Variants in PPFIBP2 observed in about 807,000 individuals in gnomAD.
The protein encoded by PPFIBP2 is liprin-beta-2.
Under a neutral mutation model 118.3 loss-of-function variants are expected in PPFIBP2, and 118 were observed. The observed-to-expected ratio is 1.00, with a 90% CI of 0.86 to 1.16. The LOEUF (loss-of-function observed/expected upper bound fraction) is 1.16. PPFIBP2 is among the 50% of genes most tolerant of loss of function. PPFIBP2 has a pLI of 0.00. For missense variants in PPFIBP2, 1,195 were observed against 1,073.1 expected (o/e 1.11, Z -1.59); for synonymous variants, 414 against 397.4 (o/e 1.04, Z -0.50).
intron 14 of PPFIBP2, 75 bp from the exon 15 acceptor site, chr11:7,639,657 T>G (rs990209194): frequency 6.3e-7 from 1 of 1,592,248 alleles, no homozygotes; most frequent in African/African-American, 1.3e-5. Flanking sequence ...CAGGGAGTTG[T>G]TCTGTATCCA....
chr11:7,624,874 T>G (rs531116918), intron 7 of PPFIBP2, among the ~76,000 whole-genome samples: 2 of 152,328 alleles, frequency 1.3e-5, no homozygotes, highest in African/African-American at 4.8e-5. Context: ...AAGGTTAACT[T>G]ACTTGCTCAA....
chr11:7,651,130 GAATT>G, intron 22 of PPFIBP2, 165 bp downstream of exon 22: 1 of 706,398 alleles, frequency 1.4e-6, no homozygotes, highest in Non-Finnish European at 2.2e-6. Flanking sequence ...TTGTCCTTGA[GAATT>G]AATATACCTC....
At chr11:7,656,761 C>T, downstream of PPFIBP2, 3 of 1,289,862 alleles carry the variant, frequency 2.3e-6, no homozygotes, top group Non-Finnish European at 3.0e-6. Context: ...CTGAATGACT[C>T]TCGCCTGCCT....
intron 2 of PPFIBP2, among the ~76,000 whole-genome samples, chr11:7,551,375 G>A (rs745355829): frequency 2.0e-5 from 3 of 152,228 alleles, no homozygotes; most frequent in African/African-American, 2.4e-5. Flanking sequence ...TTTTCTCTAC[G>A]TATTATCTCT....
chr11:7,594,586 A>T (rs1440594417), intron 4 of PPFIBP2, among the ~76,000 whole-genome samples: 2 of 151,942 alleles, frequency 1.3e-5, no homozygotes, highest in African/African-American at 4.8e-5. Context: ...GTTGGAGACC[A>T]GCTTGACCAG....
At chr11:7,528,598 C>T (rs535440302) in intron 1 of PPFIBP2, among the ~76,000 whole-genome samples, 7 of 152,204 alleles carry the variant, frequency 4.6e-5, no homozygotes, top group African/African-American at 1.7e-4. Flanking sequence ...GGTTTGGAAG[C>T]GTGGGATGAG....
At chr11:7,577,596 T>C in intron 3 of PPFIBP2, 1 of 456,524 alleles carries the variant, frequency 2.2e-6, no homozygotes, top group Non-Finnish European at 4.4e-6. Context: ...CCAGCATGGA[T>C]GGGGACATTG....
At chr11:7,532,848 T>C (rs1227405974) in intron 1 of PPFIBP2, among the ~76,000 whole-genome samples, 1 of 152,206 alleles carries the variant, frequency 6.6e-6, no homozygotes, top group African/African-American at 2.4e-5. Context: ...GTTCAACAAA[T>C]GTTGAAATGA....
At chr11:7,589,867 A>T (rs948397998) in intron 3 of PPFIBP2, among the ~76,000 whole-genome samples, 9 of 152,248 alleles carry the variant, frequency 5.9e-5, no homozygotes, top group Non-Finnish European at 1.0e-4. Flanking sequence ...AGAAGCAGGT[A>T]TACTTGTTGA....
chr11:7,535,128 AGAGGAAGT>A (rs764840156), intron 1 of PPFIBP2, among the ~76,000 whole-genome samples: 1 of 152,228 alleles, frequency 6.6e-6, no homozygotes, highest in Non-Finnish European at 1.5e-5. Context: ...TCCTGGAAAG[AGAGGAAGT>A]TAGTATCCTC....
At chr11:7,653,892 T>G, downstream of PPFIBP2, 1 of 897,330 alleles carries the variant, frequency 1.1e-6, no homozygotes, top group Non-Finnish European at 1.5e-6. Context: ...TGCTCAGGAT[T>G]CACCAGGGGG....
chr11:7,536,674 C>G (rs936654529), intron 1 of PPFIBP2, among the ~76,000 whole-genome samples: 3 of 152,012 alleles, frequency 2.0e-5, no homozygotes, highest in Admixed American at 6.6e-5. Flanking sequence ...AGATCCCAGG[C>G]GCATGAATGT....
intron 7 of PPFIBP2, among the ~76,000 whole-genome samples, chr11:7,621,416 C>A (rs1244334549): frequency 6.6e-6 from 1 of 151,742 alleles, no homozygotes; most frequent in Non-Finnish European, 1.5e-5. Flanking sequence ...ATCAGTTTTT[C>A]AAAAAAATAG....
At chr11:7,634,083 C>G (rs1281328453) in intron 12 of PPFIBP2, among the ~76,000 whole-genome samples, 2 of 152,152 alleles carry the variant, frequency 1.3e-5, no homozygotes, top group Non-Finnish European at 2.9e-5. Flanking sequence ...CATCTCTACT[C>G]TAAGGAGGCC....
At chr11:7,530,307 G>A (rs574933868) in intron 1 of PPFIBP2, among the ~76,000 whole-genome samples, 2 of 138,724 alleles carry the variant, frequency 1.4e-5, no homozygotes, top group African/African-American at 2.6e-5. Flanking sequence ...GGCAAAAAAC[G>A]AATCCAGCTC....
chr11:7,527,526 T>C (rs1426749082), intron 1 of PPFIBP2, among the ~76,000 whole-genome samples: 1 of 152,092 alleles, frequency 6.6e-6, no homozygotes, highest in Non-Finnish European at 1.5e-5. Flanking sequence ...CTGAGAATGG[T>C]GATGATGGGA....
chr11:7,573,704 C>A (rs755948556), intron 3 of PPFIBP2, among the ~76,000 whole-genome samples: 1 of 152,180 alleles, frequency 6.6e-6, no homozygotes, highest in Non-Finnish European at 1.5e-5. Flanking sequence ...TCCCTTCCCC[C>A]GCCTCCCCTT....
At chr11:7,639,297 A>G (rs553575109) in intron 14 of PPFIBP2, among the ~76,000 whole-genome samples, 2 of 152,322 alleles carry the variant, frequency 1.3e-5, no homozygotes, top group East Asian at 1.9e-4. Flanking sequence ...CTCTTGCAGG[A>G]TTGTTATTTT....
chr11:7,666,685 C>A, the PPFIBP2 span: 3 of 582,962 alleles, frequency 5.1e-6, no homozygotes, highest in Admixed American at 3.0e-5. Flanking sequence ...ACTCCCACGG[C>A]AAACAAGAGT....
Sources: gnomAD v4.1 joint callset for allele counts (sites outside exome capture counted in the v4.1 genomes callset) on GRCh38, gnomAD v4.1.1 for gene constraint, MANE v1.5 for transcripts, NCBI Gene and HGNC (gene_info 2026-07-23, HGNC 2026-07-21) for gene names.